Variants in PAG1 observed in about 807,000 individuals in gnomAD.
The protein encoded by PAG1 is phosphoprotein associated with glycosphingolipid-enriched microdomains 1.
A neutral mutation model predicts 31.7 loss-of-function variants in PAG1; 23 were observed. That is an observed-to-expected ratio of 0.73 (90% CI 0.52 to 1.03). PAG1 has a LOEUF of 1.03. Ranked by LOEUF, PAG1 falls within the 50% of genes least tolerant of loss-of-function variation. The probability of loss-of-function intolerance (pLI) is 0.00; values close to 1 mark genes in which losing one functional copy is unlikely to be tolerated. For missense variants in PAG1, 473 were observed against 540.7 expected, an observed-to-expected ratio of 0.87 and a Z score of 1.24; for synonymous variants, 214 against 210.3, an observed-to-expected ratio of 1.02 and a Z score of -0.15.
intron 1 of PAG1, among the ~76,000 whole-genome samples, chr8:81,081,181 C>G (rs887717397): frequency 2.0e-5 from 3 of 151,548 alleles, no homozygotes; most frequent in Non-Finnish European, 2.9e-5. Context: ...AAACAGAATC[C>G]CTTGCCTTCC....
At chr8:81,085,516 G>C (rs953926039) in intron 1 of PAG1, among the ~76,000 whole-genome samples, 11 of 152,182 alleles carry the variant, frequency 7.2e-5, no homozygotes, top group African/African-American at 2.4e-4. Context: ...TACTCAACAT[G>C]CAAGTCCAAA....
intron 1 of PAG1, among the ~76,000 whole-genome samples, chr8:81,097,811 G>C (rs1394612882): frequency 6.6e-6 from 1 of 152,092 alleles, no homozygotes; most frequent in Non-Finnish European, 1.5e-5. Context: ...TCACTCCCAT[G>C]GGTAGACCTT....
At chr8:81,064,405 G>T (rs1043350410) in intron 2 of PAG1, among the ~76,000 whole-genome samples, 1 of 152,142 alleles carries the variant, frequency 6.6e-6, no homozygotes, top group Non-Finnish European at 1.5e-5. Flanking sequence ...GAAAACCCCT[G>T]CTCTAAAGGA....
At chr8:81,020,463 A>T (rs547456260) in intron 3 of PAG1, among the ~76,000 whole-genome samples, 1 of 152,262 alleles carries the variant, frequency 6.6e-6, no homozygotes, top group East Asian at 1.9e-4. Flanking sequence ...TGTTCTCATA[A>T]TGGTGAATGG....
At chr8:80,977,926 C>G (rs1807217407) in intron 8 of PAG1, among the ~76,000 whole-genome samples, 1 of 152,178 alleles carries the variant, frequency 6.6e-6, no homozygotes, top group Non-Finnish European at 1.5e-5. Context: ...TTGATTCATT[C>G]AAATACCCAG....
chr8:81,018,557 G>A (rs1407207043), intron 3 of PAG1, among the ~76,000 whole-genome samples: 1 of 152,214 alleles, frequency 6.6e-6, no homozygotes, highest in Non-Finnish European at 1.5e-5. Context: ...ATAGGGGCAG[G>A]TCTTTCCCAT....
intron 2 of PAG1, among the ~76,000 whole-genome samples, chr8:81,043,898 T>A (rs188742862): frequency 1.2e-3 from 179 of 152,374 alleles, no homozygotes; most frequent in African/African-American, 3.9e-3. Context: ...TTCTTAAATA[T>A]CCTTCTCCAC....
chr8:81,038,199 CT>C (rs1808494305), intron 2 of PAG1, among the ~76,000 whole-genome samples: 1 of 152,194 alleles, frequency 6.6e-6, no homozygotes, highest in African/African-American at 2.4e-5. Context: ...AAAGACTTCC[CT>C]TTCCCCAGGA....
At chr8:81,091,846 A>AAG (rs1563427449) in intron 1 of PAG1, among the ~76,000 whole-genome samples, 2 of 151,838 alleles carry the variant, frequency 1.3e-5, no homozygotes, top group Non-Finnish European at 2.9e-5. Flanking sequence ...AGAAGAAGAA[A>AAG]AAAAAACACC....
chr8:80,977,858 C>T (rs943616344), intron 8 of PAG1, among the ~76,000 whole-genome samples: 7 of 152,112 alleles, frequency 4.6e-5, no homozygotes, highest in African/African-American at 1.7e-4. Flanking sequence ...TGAAAAATCA[C>T]GGTTGGAAAT....
chr8:81,010,096 T>C (rs1342856651), intron 3 of PAG1, among the ~76,000 whole-genome samples: 1 of 152,252 alleles, frequency 6.6e-6, no homozygotes, highest in East Asian at 1.9e-4. Context: ...AACTAGCAGA[T>C]GCTATTCCAT....
At chr8:81,090,627 A>G (rs1474823578) in intron 1 of PAG1, among the ~76,000 whole-genome samples, 1 of 152,230 alleles carries the variant, frequency 6.6e-6, no homozygotes, top group Non-Finnish European at 1.5e-5. Context: ...CATTGAAACC[A>G]GATTAGGTTG....
intron 2 of PAG1, among the ~76,000 whole-genome samples, chr8:81,041,265 C>G (rs986419977): frequency 1.3e-5 from 2 of 151,850 alleles, no homozygotes; most frequent in African/African-American, 4.8e-5. Flanking sequence ...GTAGTACAGG[C>G]AAGAAAATCT....
At chr8:81,047,453 T>G (rs2705498) in intron 2 of PAG1, among the ~76,000 whole-genome samples, 108,289 of 152,098 alleles carry the variant, frequency 0.71, 40,706 homozygotes, top group Non-Finnish European at 0.84. Context: ...GATTTTGAGC[T>G]TTTTTTCATA....
At chr8:81,054,245 T>C (rs748401170) in intron 2 of PAG1, among the ~76,000 whole-genome samples, 1 of 152,166 alleles carries the variant, frequency 6.6e-6, no homozygotes, top group African/African-American at 2.4e-5. Context: ...ATACAAGGCC[T>C]TGCAGTCAGA....
At chr8:81,105,180 G>C (rs550206964) in intron 1 of PAG1, among the ~76,000 whole-genome samples, 2 of 152,228 alleles carry the variant, frequency 1.3e-5, no homozygotes, top group Admixed American at 1.3e-4. Context: ...CCCTGACGGA[G>C]CCAAGCATCC....
intron 2 of PAG1, among the ~76,000 whole-genome samples, chr8:81,066,615 G>A (rs896810253): frequency 6.6e-6 from 1 of 152,062 alleles, no homozygotes; most frequent in African/African-American, 2.4e-5. Context: ...TCCTAATAAA[G>A]GATAAGTGAG....
At chr8:80,985,406 G>T in intron 6 of PAG1, 29 bp from the exon 7 acceptor site, 1 of 1,564,244 alleles carries the variant, frequency 6.4e-7, no homozygotes, top group South Asian at 1.2e-5. Flanking sequence ...TAAAAGCGGA[G>T]AAAGGCAAGT....
chr8:81,093,248 C>T lies in PAG1; in HGVS notation c.-234+18343G>A, dbSNP rs138596157. ...GTGGGTGAGACATGAATCCAGGATG[C>T]AGCTAGAATTGGGGAGATAATCTAA... On this transcript the variant is annotated intron_variant, in intron 1 of 8. Transcript: ENST00000220597. 1.3e-4 allele frequency among the ~76,000 whole-genome samples: 20 copies of T among 152,260 alleles called. No individual in the cohort carries two copies. In the East Asian group the frequency reaches 3.7e-3, roughly 28 times the overall value.
Sources: allele counts gnomAD v4.1 joint callset (sites outside exome capture counted in the v4.1 genomes callset), GRCh38; gene constraint gnomAD v4.1.1; transcripts MANE v1.5; gene names NCBI Gene and HGNC (gene_info 2026-07-23, HGNC 2026-07-21).